Variants in DCAF8L2 observed in about 807,000 individuals in gnomAD.
DCAF8L2 encodes DDB1- and CUL4-associated factor 8-like protein 2.
For missense variants in DCAF8L2, 430 were observed against 490.7 expected, an observed-to-expected ratio of 0.88 and a Z score of 1.17; for synonymous variants, 200 against 190.9, an observed-to-expected ratio of 1.05 and a Z score of -0.39.
intron 3 of DCAF8L2, among the ~76,000 whole-genome samples, chrX:27,693,341 A>G (rs1298929469): frequency 1.8e-5 from 2 of 111,182 alleles, no homozygotes; most frequent in Non-Finnish European, 3.8e-5. Context: ...TTAACTAAAA[A>G]TTAAATATTA....
At chrX:27,595,817 G>A (rs184481589) in intron 1 of DCAF8L2, among the ~76,000 whole-genome samples, 5,585 of 110,608 alleles carry the variant, frequency 0.05, 259 homozygotes, top group African/African-American at 0.14. Flanking sequence ...AGAACAGCCT[G>A]GCCAACATGG....
At chrX:27,740,404 C>T (rs1016743467) in intron 4 of DCAF8L2, among the ~76,000 whole-genome samples, 3 of 112,272 alleles carry the variant, frequency 2.7e-5, no homozygotes, top group Non-Finnish European at 5.6e-5. Flanking sequence ...CTATTCTCCA[C>T]ACAATAGCTG....
chrX:27,532,701 C>T, the DCAF8L2 span, among the ~76,000 whole-genome samples: 1 of 108,700 alleles, frequency 9.2e-6, no homozygotes, highest in Non-Finnish European at 1.9e-5. Flanking sequence ...AGTTCCAGAC[C>T]AGCCTAGGCA....
chrX:27,487,119 A>G, the DCAF8L2 span, among the ~76,000 whole-genome samples: 1 of 111,897 alleles, frequency 8.9e-6, no homozygotes, highest in Non-Finnish European at 1.9e-5. Context: ...AGTTATTTAG[A>G]TAATCATTAG....
chrX:27,663,123 A>C (rs1929615572), intron 2 of DCAF8L2, among the ~76,000 whole-genome samples: 1 of 111,890 alleles, frequency 8.9e-6, no homozygotes, highest in Non-Finnish European at 1.9e-5. Context: ...CATAGCATAA[A>C]ATAAATTATA....
At chrX:27,512,714 GA>G in the DCAF8L2 span, among the ~76,000 whole-genome samples, 2 of 51,309 alleles carry the variant, frequency 3.9e-5, no homozygotes, top group African/African-American at 7.5e-5. Flanking sequence ...CACAGCAACA[GA>G]AAAAAAAATC....
chrX:27,733,586 C>T (rs1921349950), intron 4 of DCAF8L2, among the ~76,000 whole-genome samples: 1 of 111,642 alleles, frequency 9.0e-6, no homozygotes, highest in Non-Finnish European at 1.9e-5. Flanking sequence ...GTATGATATG[C>T]CACAAAAAAT....
chrX:27,715,979 CCCTT>C (rs1398008236), intron 3 of DCAF8L2, 105 bp from the exon 4 acceptor site: 2 of 112,423 alleles, frequency 1.8e-5, no homozygotes, highest in African/African-American at 6.5e-5. Context: ...GTTATGTTCT[CCCTT>C]CATCAGTATT....
intron 2 of DCAF8L2, among the ~76,000 whole-genome samples, chrX:27,653,533 C>T (rs28568903): frequency 3.8e-4 from 42 of 111,037 alleles, no homozygotes; most frequent in African/African-American, 6.5e-4. Flanking sequence ...TTCTAAAAAG[C>T]GGTTCTGGAA....
In DCAF8L2 at chrX:27,684,078, T is replaced by G. The variant is rs140096848; in HGVS notation, c.-143+6166T>G. Among the ~76,000 whole-genome samples the G allele has an allele frequency of 5.3e-3, 598 of 112,530 alleles. 2 individuals are homozygous for G. The highest frequency in any genetic ancestry group is 7.9e-3 in the Non-Finnish European group (422 of 53,301). ...CCTTTCATTGAATACCTTTTTTCAT[T>G]GAATACCTTTTTTCATTGAATACTT... On this transcript the variant is annotated intron_variant, in intron 3 of 4. Coordinates refer to ENST00000451261, the MANE Select transcript of DCAF8L2 (RefSeq NM_001353450.2).
chrX:27,685,262 G>T (rs925192846), intron 3 of DCAF8L2, among the ~76,000 whole-genome samples: 3 of 111,866 alleles, frequency 2.7e-5, no homozygotes, highest in Non-Finnish European at 5.6e-5. Context: ...GTTTGATATT[G>T]CCTCTATCAT....
intron 3 of DCAF8L2, among the ~76,000 whole-genome samples, chrX:27,701,489 G>A (rs1228123808): frequency 9.0e-6 from 1 of 110,773 alleles, no homozygotes; most frequent in Non-Finnish European, 1.9e-5. Flanking sequence ...CTCAATAAAC[G>A]TGAAAGGACT....
At chrX:27,572,308 C>G in the DCAF8L2 span, among the ~76,000 whole-genome samples, 1 of 111,420 alleles carries the variant, frequency 9.0e-6, no homozygotes, top group Non-Finnish European at 1.9e-5. Flanking sequence ...TTCCAGGCTT[C>G]TTGTCCACCA....
chrX:27,524,472 A>G, the DCAF8L2 span, among the ~76,000 whole-genome samples: 12 of 110,887 alleles, frequency 1.1e-4, no homozygotes, highest in Non-Finnish European at 2.3e-4. Flanking sequence ...GATCTTTTCA[A>G]AAAACCAGCT....
chrX:27,594,220 T>C lies in DCAF8L2; in HGVS notation c.-342+3780T>C, dbSNP rs192781939. Among the ~76,000 whole-genome samples the C allele has an allele frequency of 8.9e-5, 10 of 111,880 alleles. No individual in the cohort carries two copies. In the East Asian group the frequency reaches 2.8e-3, roughly 31 times the overall value. ...AGTCAGGCAATAAAATATAGGGTTA[T>C]TCTGATAAAAATAACTTACAAAATT... On this transcript the variant is annotated intron_variant, in intron 1 of 4. Transcript: ENST00000451261.
chrX:27,716,382 T>G (rs1931703441), intron 4 of DCAF8L2, among the ~76,000 whole-genome samples: 1 of 112,598 alleles, frequency 8.9e-6, no homozygotes, highest in Admixed American at 9.4e-5. Flanking sequence ...AATATTAGTT[T>G]GTGTCAGATA....
At chrX:27,713,771 G>A (rs1931604536) in intron 3 of DCAF8L2, among the ~76,000 whole-genome samples, 1 of 111,224 alleles carries the variant, frequency 9.0e-6, no homozygotes, top group Admixed American at 9.6e-5. Flanking sequence ...GTAAATTAAT[G>A]GGCATGGCTG....
At chrX:27,509,748 GA>G in the DCAF8L2 span, among the ~76,000 whole-genome samples, 1 of 111,104 alleles carries the variant, frequency 9.0e-6, no homozygotes, top group Admixed American at 9.7e-5. Flanking sequence ...TAGTAAAGGG[GA>G]AAACATGAAG....
At chrX:27,531,876 G>A in the DCAF8L2 span, among the ~76,000 whole-genome samples, 6 of 111,257 alleles carry the variant, frequency 5.4e-5, no homozygotes, top group Admixed American at 9.6e-5. Context: ...GTACCTAGAT[G>A]TCTCTAGGCA....
Sources: gnomAD v4.1 joint callset for allele counts (sites outside exome capture counted in the v4.1 genomes callset) on GRCh38, gnomAD v4.1.1 for gene constraint, MANE v1.5 for transcripts, NCBI Gene and HGNC (gene_info 2026-07-23, HGNC 2026-07-21) for gene names.